ALG9: variants seen among roughly 807,000 people sequenced by gnomAD.
The protein encoded by ALG9 is ALG9 alpha-1,2-mannosyltransferase.
ALG9 carries 55 observed loss-of-function variants against 81.8 expected under a neutral mutation model. The ratio of observed to expected loss-of-function variants is 0.67; its 90% confidence interval spans 0.54 to 0.84. ALG9 has a LOEUF of 0.84. ALG9 is among the 40% of genes least tolerant of loss of function. The probability of loss-of-function intolerance (pLI) is 0.00; values close to 1 mark genes in which losing one functional copy is unlikely to be tolerated. For missense variants in ALG9, 629 were observed against 745.0 expected (o/e 0.84, Z 1.81); for synonymous variants, 278 against 274.3 (o/e 1.01, Z -0.13).
chr11:111,769,160 AC>A, the ALG9 span: 6 of 150,276 alleles, frequency 4.0e-5, no homozygotes, highest in Admixed American at 1.3e-4. Context: ...AAAAAAAAAA[AC>A]TTAGCAGGAC....
chr11:111,855,015 A>G (rs1021177072), intron 6 of ALG9, among the ~76,000 whole-genome samples: 3 of 152,248 alleles, frequency 2.0e-5, no homozygotes. Flanking sequence ...TGTAGATGAA[A>G]TAGTGAATGA....
chr11:111,793,431 G>T (rs1947736220), intron 14 of ALG9, among the ~76,000 whole-genome samples: 1 of 151,986 alleles, frequency 6.6e-6, no homozygotes, highest in Non-Finnish European at 1.5e-5. Context: ...TATTGTTATT[G>T]AAAAAAGGAA....
chr11:111,828,284 C>T (rs1483750462), intron 13 of ALG9, among the ~76,000 whole-genome samples: 1 of 152,172 alleles, frequency 6.6e-6, no homozygotes, highest in Non-Finnish European at 1.5e-5. Context: ...AATTACACCG[C>T]CAATGGATAG....
intron 14 of ALG9, among the ~76,000 whole-genome samples, chr11:111,800,860 GGACA>G (rs1176914504): frequency 5.3e-5 from 8 of 152,082 alleles, no homozygotes; most frequent in African/African-American, 1.4e-4. Context: ...AGTGATGGGT[GGACA>G]GACAGACAAT....
chr11:111,779,754 T>C (rs1945828228), downstream of ALG9, among the ~76,000 whole-genome samples: 1 of 152,096 alleles, frequency 6.6e-6, no homozygotes, highest in African/African-American at 2.4e-5. Context: ...AAGTATTTTA[T>C]GAGAATTCAC....
chr11:111,781,980 T>G (rs1394794799), downstream of ALG9, among the ~76,000 whole-genome samples: 2 of 152,210 alleles, frequency 1.3e-5, no homozygotes, highest in African/African-American at 4.8e-5. Flanking sequence ...GGTTTTAACA[T>G]AGTTAAAATA....
At chr11:111,835,253 G>A (rs748149605) in intron 13 of ALG9, among the ~76,000 whole-genome samples, 5 of 152,156 alleles carry the variant, frequency 3.3e-5, no homozygotes, top group Non-Finnish European at 5.9e-5. Context: ...TCTAGACAAC[G>A]ATCTTACACT....
intron 6 of ALG9, among the ~76,000 whole-genome samples, chr11:111,854,438 GT>G (rs1323719182): frequency 2.0e-5 from 3 of 151,626 alleles, no homozygotes; most frequent in Admixed American, 6.6e-5. Context: ...CCCGCTAATT[GT>G]TTTGTATTTT....
At chr11:111,811,139 C>T (rs1197798281) in intron 13 of ALG9, among the ~76,000 whole-genome samples, 3 of 152,064 alleles carry the variant, frequency 2.0e-5, no homozygotes, top group Non-Finnish European at 4.4e-5. Context: ...GTCATATGTT[C>T]CATAGCAATA....
intron 13 of ALG9, among the ~76,000 whole-genome samples, chr11:111,833,303 C>T (rs1555114607): frequency 6.6e-6 from 1 of 152,132 alleles, no homozygotes; most frequent in East Asian, 1.9e-4. Flanking sequence ...TTGATTCTGG[C>T]AGAAAATCTT....
rs1946056833 is a variant in ALG9, at chr11:111,782,775, GA to G, written c.*3621del. The G allele has an allele frequency of 1.3e-5, 2 of 152,170 alleles. No individual in the cohort carries two copies. The highest frequency in any genetic ancestry group is 4.1e-4 in the South Asian group (2 of 4,832). 9.4% of individuals were successfully genotyped at this position (152,170 alleles called of 1,614,324 possible). A position where few individuals can be genotyped will look rare whatever the true frequency, so the allele number is the denominator to read the frequency against. On this transcript the variant is annotated 3_prime_UTR_variant, in exon 15 of 15. Transcript: ENST00000616540. Reference sequence around the variant, plus strand: ...TGGTCACCGTAGACCTCATGCTGCAGAATCATATCAGGTTTTCAAGGTTCTT... The same window carrying G: ...TGGTCACCGTAGACCTCATGCTGCAGATCATATCAGGTTTTCAAGGTTCTT...
Position 111,837,541 on chromosome 11 carries a change from C to T in ALG9, c.1399G>A (p.Glu467Lys), listed in dbSNP as rs782023699. ...ATDPTIHTVP[E>K]GRPVNVCVGK... ...ACACAGACATTCACAGGTCTGCCTTCTGGGACAGTGTGGATGGTTGGGTCT... is the reference window on the plus strand; with the variant it reads ...ACACAGACATTCACAGGTCTGCCTTTTGGGACAGTGTGGATGGTTGGGTCT... The change falls in exon 12 of 15, where the codon GAA (glutamate) becomes AAA (lysine). Residue 467 changes from glutamate (E) to lysine (K), a missense_variant. Coordinates refer to ENST00000616540, the MANE Select transcript of ALG9 (RefSeq NM_024740.2). The T allele has an allele frequency of 1.4e-5, 22 of 1,614,082 alleles. No homozygotes were observed. The highest frequency in any genetic ancestry group is 1.5e-5 in the Non-Finnish European group (18 of 1,179,942).
chr11:111,829,869 C>T (rs1486711853), intron 13 of ALG9, among the ~76,000 whole-genome samples: 2 of 152,200 alleles, frequency 1.3e-5, no homozygotes, highest in Non-Finnish European at 2.9e-5. Flanking sequence ...TCTTCCAGGA[C>T]AGAAGCAGCA....
At chr11:111,844,336 C>G (rs1267429709) in intron 9 of ALG9, among the ~76,000 whole-genome samples, 2 of 152,140 alleles carry the variant, frequency 1.3e-5, no homozygotes, top group African/African-American at 2.4e-5. Flanking sequence ...TTTTTACTTC[C>G]CTGGGTGATT....
At chr11:111,865,334 G>T in intron 3 of ALG9, 83 bp from the exon 4 acceptor site, 1 of 1,012,300 alleles carries the variant, frequency 9.9e-7, no homozygotes, top group Non-Finnish European at 1.5e-6. Flanking sequence ...CTCATTTATT[G>T]TCAATAACAC....
intron 8 of ALG9, among the ~76,000 whole-genome samples, chr11:111,851,860 TC>T (rs1236344622): frequency 7.2e-5 from 11 of 152,226 alleles, no homozygotes; most frequent in African/African-American, 2.2e-4. Flanking sequence ...TGGGGCCTTT[TC>T]TCACACCCCT....
chr11:111,844,506 G>C, intron 9 of ALG9, 95 bp downstream of exon 9: 1 of 1,563,822 alleles, frequency 6.4e-7, no homozygotes, highest in Non-Finnish European at 8.8e-7. Flanking sequence ...GAAGAATGTG[G>C]AAAATAAAGT....
intron 2 of ALG9, 95 bp from the exon 3 acceptor site, chr11:111,868,831 CA>C (rs1963339793): frequency 7.4e-7 from 1 of 1,346,116 alleles, no homozygotes; most frequent in East Asian, 2.4e-5. Flanking sequence ...ATATTAAAAA[CA>C]AAGGCAAGCC....
At chr11:111,862,394 T>G (rs1319080726) in intron 4 of ALG9, among the ~76,000 whole-genome samples, 3 of 151,990 alleles carry the variant, frequency 2.0e-5, no homozygotes, top group Non-Finnish European at 2.9e-5. Flanking sequence ...CCACCACACC[T>G]GGCTAATTTT....
Sources: gnomAD v4.1 joint callset for allele counts (sites outside exome capture counted in the v4.1 genomes callset) on GRCh38, gnomAD v4.1.1 for gene constraint, MANE v1.5 for transcripts, NCBI Gene and HGNC (gene_info 2026-07-23, HGNC 2026-07-21) for gene names.